The following RASAL2 variants were observed in gnomAD, a reference collection of about 807,000 sequenced individuals.
The protein encoded by RASAL2 is RAS protein activator like 2.
A neutral mutation model predicts 128.9 loss-of-function variants in RASAL2; 58 were observed. That is an observed-to-expected ratio of 0.45 (90% CI 0.36 to 0.56). The LOEUF (loss-of-function observed/expected upper bound fraction) is 0.56. RASAL2 is among the 20% of genes least tolerant of loss of function. The probability of loss-of-function intolerance (pLI) is 0.00; values close to 1 mark genes in which losing one functional copy is unlikely to be tolerated. For missense variants in RASAL2, 1,360 were observed against 1,601.6 expected (o/e 0.85, Z 2.57); for synonymous variants, 561 against 580.8 (o/e 0.97, Z 0.49).
intron 3 of RASAL2, among the ~76,000 whole-genome samples, chr1:178,339,484 T>C (rs1414013200): frequency 4.6e-5 from 7 of 152,154 alleles, no homozygotes; most frequent in Non-Finnish European, 8.8e-5. Flanking sequence ...TATTTAGCCA[T>C]GAGCTCAAGC....
rs1662073615 is a variant in RASAL2 at position 178,180,664 on chromosome 1, C to CACACACACAT, written c.202+85979_202+85980insTACACACACA. Among the ~76,000 whole-genome samples the CACACACACAT allele has an allele frequency of 0.01, 3 of 288 alleles. No homozygotes were observed. The South Asian group carries it at 0.38, about 36-fold the overall frequency. The allele number at this position is 288 out of a possible 152,430, so 0.2% of individuals were successfully genotyped here. ...CCTGGGTGATGGAGCGAGACTGTCT[C>CACACACACAT]ACACACACACACACACACACACACA... On this transcript the variant is annotated intron_variant, in intron 1 of 17. Transcript: ENST00000367649.
At position 178,440,427 on chromosome 1, in the gene RASAL2, CT is replaced by C. The variant is rs926941709; in HGVS notation, c.828+861del. Among the ~76,000 whole-genome samples the C allele has an allele frequency of 4.0e-5, 6 of 151,178 alleles. No homozygotes were observed. In the South Asian group the frequency reaches 6.3e-4, roughly 16 times the overall value. ...TGTTCACTATCAGAGAAATTGTTTC[CT>C]TTTTTTTTAAAACTAAGTCTTCAAA... On this transcript the variant is annotated intron_variant, in intron 6 of 17. Transcript: ENST00000367649.
intron 1 of RASAL2, among the ~76,000 whole-genome samples, chr1:178,126,821 A>C (rs2102290224): frequency 6.6e-6 from 1 of 152,292 alleles, no homozygotes; most frequent in Middle Eastern, 3.4e-3. Context: ...CTGATGCTTC[A>C]GGTTTGTGCT....
chr1:178,197,906 A>G (rs1274471050), intron 1 of RASAL2, among the ~76,000 whole-genome samples: 3 of 151,772 alleles, frequency 2.0e-5, no homozygotes, highest in African/African-American at 7.3e-5. Flanking sequence ...GTGTCCAACT[A>G]TTCTCATTGT....
rs557734273 is a variant in RASAL2, at chr1:178,094,367, G to C, written c.-126G>C. 2 of 900,850 alleles carry C rather than the reference G, an allele frequency of 2.2e-6. No individual in the cohort carries two copies. Among genetic ancestry groups the C allele is most frequent in the African/African-American group, 1.8e-5 (1 of 55,940 alleles). 55.8% of individuals were successfully genotyped at this position (900,850 alleles called of 1,614,324 possible). A position where few individuals can be genotyped will look rare whatever the true frequency, so the allele number is the denominator to read the frequency against. On this transcript the variant is annotated 5_prime_UTR_variant, in exon 1 of 18. Coordinates refer to ENST00000367649, the MANE Select transcript of RASAL2 (RefSeq NM_170692.4). ...GAAGGAGGTGAGAGGTGTCCGCGCC[G>C]GCTGCCGCTCGGGTCCCTGCCCTCG...
chr1:178,175,154 G>A (rs527482105), intron 1 of RASAL2, among the ~76,000 whole-genome samples: 1 of 152,110 alleles, frequency 6.6e-6, no homozygotes, highest in Admixed American at 6.6e-5. Flanking sequence ...TATTATCTTA[G>A]GTCCCTTTCA....
chr1:178,320,337 C>A (rs374295763), intron 3 of RASAL2, among the ~76,000 whole-genome samples: 3 of 152,312 alleles, frequency 2.0e-5, no homozygotes, highest in Non-Finnish European at 2.9e-5. Flanking sequence ...TCGAGCTTCC[C>A]GGCTGCTTTG....
At chr1:178,333,356 A>T (rs896124787) in intron 3 of RASAL2, among the ~76,000 whole-genome samples, 1 of 152,148 alleles carries the variant, frequency 6.6e-6, no homozygotes, top group African/African-American at 2.4e-5. Flanking sequence ...TTATTCTCTG[A>T]ATTTTGTCAT....
chr1:178,394,551 T>C (rs191435982), intron 4 of RASAL2, among the ~76,000 whole-genome samples: 1 of 152,338 alleles, frequency 6.6e-6, no homozygotes, highest in African/African-American at 2.4e-5. Context: ...TCAATTTGGC[T>C]TCGGTCAAGA....
chr1:178,246,540 C>A (rs1664773422), intron 1 of RASAL2, among the ~76,000 whole-genome samples: 1 of 152,144 alleles, frequency 6.6e-6, no homozygotes, highest in African/African-American at 2.4e-5. Context: ...TCCTCTCTTC[C>A]TATTTGAATA....
At chr1:178,452,805 C>A (rs145445998) in intron 11 of RASAL2, among the ~76,000 whole-genome samples, 153 bp downstream of exon 11, 1 of 152,266 alleles carries the variant, frequency 6.6e-6, no homozygotes, top group East Asian at 1.9e-4. Context: ...ACAACTTAAT[C>A]ACTTCATAGA....
At chr1:178,411,984 G>A (rs557759127) in intron 4 of RASAL2, 4 of 563,160 alleles carry the variant, frequency 7.1e-6, no homozygotes, top group Admixed American at 5.5e-5. Flanking sequence ...GGCACCCACA[G>A]GAAGTGGGGT....
intron 2 of RASAL2, among the ~76,000 whole-genome samples, chr1:178,294,093 CACAG>C (rs1667391902): frequency 1.3e-5 from 2 of 152,348 alleles, no homozygotes; most frequent in African/African-American, 2.4e-5. Flanking sequence ...AAACTGAGCA[CACAG>C]ACAGAGACAG....
At chr1:178,340,324 A>G (rs1366641274) in intron 3 of RASAL2, among the ~76,000 whole-genome samples, 2 of 152,134 alleles carry the variant, frequency 1.3e-5, no homozygotes, top group Non-Finnish European at 2.9e-5. Flanking sequence ...CTGTGATTCA[A>G]ACTATGAATT....
rs1179507823 is a variant in RASAL2 at position 178,445,593 on chromosome 1, A to G, written c.1558A>G (p.Thr520Ala). ...TGATGTCTTGATCTTCAGAGAGAACACTATTGCCACCAAATCCATTGAGGA... is the reference window on the plus strand; with the variant it reads ...TGATGTCTTGATCTTCAGAGAGAACGCTATTGCCACCAAATCCATTGAGGA... ...EHDVLIFREN[T>A]IATKSIEEYL... Residue 520 changes from threonine (T) to alanine (A), a missense_variant, in exon 9 of 18, where the codon ACT becomes GCT. Physicochemically the swap from Thr to Ala is moderately conservative, Grantham distance 58. This residue lies in a region of RASAL2 where 617 missense variants were observed against 714.2 expected (regional missense o/e 0.86). Transcript: ENST00000367649. The G allele has an allele frequency of 6.2e-7, 1 of 1,613,962 alleles. No individual in the cohort carries two copies. The highest frequency in any genetic ancestry group is 1.3e-5 in the African/African-American group (1 of 75,054).
intron 1 of RASAL2, among the ~76,000 whole-genome samples, chr1:178,239,616 T>G (rs1360498954): frequency 6.6e-6 from 1 of 152,074 alleles, no homozygotes; most frequent in Non-Finnish European, 1.5e-5. Flanking sequence ...CAACTTATAA[T>G]AAACATTTTT....
chr1:178,107,455 T>G (rs1400444094), intron 1 of RASAL2, among the ~76,000 whole-genome samples: 2 of 149,712 alleles, frequency 1.3e-5, no homozygotes, highest in Non-Finnish European at 2.9e-5. Context: ...TTATTTTGTG[T>G]TTTTTTTATT....
At chr1:178,225,764 C>T (rs923609771) in intron 1 of RASAL2, among the ~76,000 whole-genome samples, 2 of 147,356 alleles carry the variant, frequency 1.4e-5, no homozygotes, top group Non-Finnish European at 1.5e-5. Context: ...ACTGTACATA[C>T]ATATATATAT....
At chr1:178,296,039 ATG>A (rs777364013) in intron 2 of RASAL2, among the ~76,000 whole-genome samples, 34 of 151,738 alleles carry the variant, frequency 2.2e-4, no homozygotes, top group South Asian at 4.2e-4. Flanking sequence ...ATATGTGTGT[ATG>A]TGTGTGTGTA....
Sources: gnomAD v4.1 joint callset for allele counts (sites outside exome capture counted in the v4.1 genomes callset) on GRCh38, gnomAD v4.1.1 for gene constraint, gnomAD v4.1.1 regional missense constraint, MANE v1.5 for transcripts, NCBI Gene and HGNC (gene_info 2026-07-23, HGNC 2026-07-21) for gene names.